RABGAP1L: variants seen among roughly 807,000 people sequenced by gnomAD.
The protein encoded by RABGAP1L is RAB GTPase activating protein 1 like.
Under a neutral mutation model 137.7 loss-of-function variants are expected in RABGAP1L, and 63 were observed. The observed-to-expected ratio is 0.46, with a 90% confidence interval of 0.37 to 0.56. The LOEUF is 0.56. Among genes scored for constraint, RABGAP1L ranks in the 20% least tolerant of loss-of-function variants. RABGAP1L has a pLI of 0.00. For synonymous variants in RABGAP1L, 431 were observed against 433.7 expected, an observed-to-expected ratio of 0.99 and a Z score of 0.08; for missense variants, 1,095 against 1,244.0, an observed-to-expected ratio of 0.88 and a Z score of 1.80.
At chr1:174,350,973 G>A (rs1479163127) in intron 11 of RABGAP1L, among the ~76,000 whole-genome samples, 3 of 123,742 alleles carry the variant, frequency 2.4e-5, no homozygotes, top group Non-Finnish European at 3.4e-5. Context: ...GCAGGCATTC[G>A]GCAGACTGAG....
chr1:174,666,985 C>CA lies in RABGAP1L; in HGVS notation c.1825-16520dup, dbSNP rs35100174. On this transcript the variant is annotated intron_variant, in intron 14 of 25. Coordinates refer to ENST00000681986, the MANE Select transcript of RABGAP1L (RefSeq NM_001366446.1). ...CTATCAATGGATAACAGTTACAAGG[C>CA]AAAAAAAAAAAAAAAAAGTCAAGTA... is the stretch of plus-strand genomic sequence containing the variant. Among the ~76,000 whole-genome samples the CA allele has an allele frequency of 2.3e-3, 279 of 119,244 alleles. 2 individuals are homozygous for CA. Among genetic ancestry groups the CA allele is most frequent in the East Asian group, 7.5e-3 (32 of 4,250 alleles). The allele number at this position is 119,244 out of a possible 152,430, so 78.2% of individuals were successfully genotyped here.
chr1:174,906,876 AG>A (rs1659179237), intron 19 of RABGAP1L, among the ~76,000 whole-genome samples: 1 of 146,948 alleles, frequency 6.8e-6, no homozygotes, highest in African/African-American at 2.6e-5. Flanking sequence ...GAGGGGATGA[AG>A]TGACATTTTC....
chr1:174,982,579 G>A (rs1671234510), intron 23 of RABGAP1L, among the ~76,000 whole-genome samples: 1 of 152,192 alleles, frequency 6.6e-6, no homozygotes, highest in South Asian at 2.1e-4. Context: ...AGTCACAGAA[G>A]GCTAGTGACA....
chr1:174,252,567 T>TAAG lies in RABGAP1L; in HGVS notation c.965_966insGAA (p.Ser321_Asn322insLys). The TAAG allele has an allele frequency of 6.2e-7, 1 of 1,608,878 alleles. No homozygotes were observed. The highest frequency in any genetic ancestry group is 1.7e-4 in the Middle Eastern group (1 of 6,040). On this transcript the variant is annotated inframe_insertion, in exon 7 of 26. Coordinates refer to ENST00000681986, the MANE Select transcript of RABGAP1L (RefSeq NM_001366446.1). ...TTGTGATTACAGTGCAGCAACTTTC[T>TAAG]AACAAAGAATTAGCTATTGAAAGGT...
At chr1:174,572,303 T>C (rs891169192) in intron 13 of RABGAP1L, among the ~76,000 whole-genome samples, 4 of 152,192 alleles carry the variant, frequency 2.6e-5, no homozygotes, top group Admixed American at 2.0e-4. Flanking sequence ...AAGGAAGAAA[T>C]GTTAAATGTT....
chr1:174,610,220 A>T (rs1427749719), intron 13 of RABGAP1L, among the ~76,000 whole-genome samples: 3 of 91,224 alleles, frequency 3.3e-5, no homozygotes, highest in Non-Finnish European at 4.0e-5. Flanking sequence ...CCCACCCCAC[A>T]ACAGTCCCCA....
intron 11 of RABGAP1L, among the ~76,000 whole-genome samples, chr1:174,327,882 T>C (rs1039469989): frequency 6.9e-6 from 1 of 145,272 alleles, no homozygotes; most frequent in African/African-American, 2.5e-5. Context: ...AAGTAAAAAA[T>C]TAGAAAAAGA....
chr1:174,777,140 G>A (rs1018488663), intron 18 of RABGAP1L, among the ~76,000 whole-genome samples: 2 of 152,190 alleles, frequency 1.3e-5, no homozygotes, highest in African/African-American at 4.8e-5. Context: ...TATTTTGGCA[G>A]TAAATCAATT....
intron 13 of RABGAP1L, among the ~76,000 whole-genome samples, chr1:174,499,853 T>C (rs6425283): frequency 0.58 from 88,476 of 151,996 alleles, 28,082 homozygotes; most frequent in African/African-American, 0.85. Context: ...TGTTTTCAAT[T>C]TCTGTTCCTG....
intron 19 of RABGAP1L, among the ~76,000 whole-genome samples, chr1:174,816,577 TC>T (rs1690436497): frequency 6.6e-6 from 1 of 152,190 alleles, no homozygotes; most frequent in Admixed American, 6.5e-5. Context: ...AAATTACCAT[TC>T]CTGTTGGTCA....
chr1:174,160,106 T>C (rs978585212), intron 1 of RABGAP1L: 4 of 152,438 alleles, frequency 2.6e-5, no homozygotes, highest in African/African-American at 9.7e-5. Context: ...TACTCGACCA[T>C]TTCTCTCCCT....
At chr1:174,224,798 T>C (rs1017969300) in intron 3 of RABGAP1L, among the ~76,000 whole-genome samples, 1 of 152,202 alleles carries the variant, frequency 6.6e-6, no homozygotes, top group African/African-American at 2.4e-5. Context: ...CTTGTCTCCA[T>C]TGTTTCTGAT....
intron 1 of RABGAP1L, among the ~76,000 whole-genome samples, chr1:174,186,805 G>A (rs951213898): frequency 6.6e-6 from 1 of 152,034 alleles, no homozygotes; most frequent in South Asian, 2.1e-4. Context: ...ACTTGAAATC[G>A]AGGTATACAT....
chr1:174,858,279 A>G (rs1649652363), intron 19 of RABGAP1L, among the ~76,000 whole-genome samples: 1 of 152,142 alleles, frequency 6.6e-6, no homozygotes, highest in Non-Finnish European at 1.5e-5. Context: ...TGGCTTCTCA[A>G]AGTATTGGAA....
intron 16 of RABGAP1L, 38 bp from the exon 17 acceptor site, chr1:174,702,075 C>A: frequency 6.3e-7 from 1 of 1,588,350 alleles, no homozygotes; most frequent in Non-Finnish European, 8.6e-7. Flanking sequence ...CTGCTGCAAG[C>A]TTCTCATTGC....
chr1:174,421,704 C>T (rs1651311877), intron 13 of RABGAP1L, among the ~76,000 whole-genome samples: 1 of 152,188 alleles, frequency 6.6e-6, no homozygotes, highest in South Asian at 2.1e-4. Flanking sequence ...TGAAAATGTT[C>T]CACTGCCCTC....
At chr1:174,204,015 A>G (rs368466723) in intron 1 of RABGAP1L, among the ~76,000 whole-genome samples, 1 of 151,670 alleles carries the variant, frequency 6.6e-6, no homozygotes, top group Non-Finnish European at 1.5e-5. Flanking sequence ...GCAGTGGCAC[A>G]ATCTCGGCTC....
At chr1:174,293,571 G>T (rs998169433) in intron 10 of RABGAP1L, among the ~76,000 whole-genome samples, 2 of 152,088 alleles carry the variant, frequency 1.3e-5, no homozygotes, top group African/African-American at 4.8e-5. Flanking sequence ...CTTATTGGTA[G>T]TGACTTTAAT....
At chr1:174,418,768 G>A (rs896843980) in intron 13 of RABGAP1L, among the ~76,000 whole-genome samples, 1 of 152,158 alleles carries the variant, frequency 6.6e-6, no homozygotes, top group African/African-American at 2.4e-5. Context: ...TCTGGGTGCG[G>A]TGGCTCATGC....
Sources: allele counts gnomAD v4.1 joint callset (sites outside exome capture counted in the v4.1 genomes callset), GRCh38; gene constraint gnomAD v4.1.1; transcripts MANE v1.5; gene names NCBI Gene and HGNC (gene_info 2026-07-23, HGNC 2026-07-21).